Variants in RAB3C observed in about 807,000 individuals in gnomAD.
RAB3C encodes the protein RAB3C, member RAS oncogene family.
Under a neutral mutation model 26.4 loss-of-function variants are expected in RAB3C, and 17 were observed. The observed-to-expected ratio is 0.64, with a 90% CI of 0.44 to 0.97. RAB3C has a LOEUF of 0.97. RAB3C is among the 50% of genes least tolerant of loss of function. The probability of loss-of-function intolerance (pLI) is 0.00; values close to 1 mark genes in which losing one functional copy is unlikely to be tolerated. For missense variants in RAB3C, 242 were observed against 281.9 expected (o/e 0.86, Z 1.01); for synonymous variants, 91 against 95.9 (o/e 0.95, Z 0.30).
chr5:58,726,807 TG>T (rs1193170246), intron 3 of RAB3C, among the ~76,000 whole-genome samples: 10 of 151,836 alleles, frequency 6.6e-5, no homozygotes, highest in Non-Finnish European at 1.2e-4. Context: ...GTGTTTACGG[TG>T]GGGGGTTATT....
At chr5:58,808,288 T>A (rs1330202870) in intron 3 of RAB3C, among the ~76,000 whole-genome samples, 1 of 147,132 alleles carries the variant, frequency 6.8e-6, no homozygotes, top group African/African-American at 2.5e-5. Flanking sequence ...ATTTGTGAAA[T>A]GACAAAACAT....
chr5:58,803,826 T>G (rs1742870208), intron 3 of RAB3C, among the ~76,000 whole-genome samples: 1 of 152,140 alleles, frequency 6.6e-6, no homozygotes, highest in Non-Finnish European at 1.5e-5. Context: ...TTTGGGAGGC[T>G]GAGGCGGGTG....
chr5:58,637,098 C>G (rs1238515001), intron 2 of RAB3C, among the ~76,000 whole-genome samples: 1 of 142,198 alleles, frequency 7.0e-6, no homozygotes, highest in African/African-American at 2.6e-5. Context: ...TTTCAAAGAA[C>G]TTTTTTTTTT....
At chr5:58,681,941 A>G (rs1055704502) in intron 2 of RAB3C, among the ~76,000 whole-genome samples, 1 of 152,250 alleles carries the variant, frequency 6.6e-6, no homozygotes, top group Admixed American at 6.5e-5. Context: ...AGGCTGTGCA[A>G]AGGAAACACC....
chr5:58,743,166 G>A (rs573888664), intron 3 of RAB3C, among the ~76,000 whole-genome samples: 91 of 152,270 alleles, frequency 6.0e-4, no homozygotes, highest in Non-Finnish European at 1.2e-3. Flanking sequence ...TCTTAAAAAT[G>A]AGAAAAGAAT....
In RAB3C at chr5:58,828,901, CTT is replaced by C. The variant is rs762653092; in HGVS notation, c.496+3759_496+3760del. On this transcript the variant is annotated intron_variant, in intron 4 of 4. Coordinates refer to ENST00000282878, the MANE Select transcript of RAB3C (RefSeq NM_138453.4). Reference sequence around the variant, plus strand: ...CTATAGCTGGTGTTATTTTACCATGCTTTTTTTTTTTTTTTTTTTTTGGATGG... The same window carrying C: ...CTATAGCTGGTGTTATTTTACCATGCTTTTTTTTTTTTTTTTTTTGGATGG... Among the ~76,000 whole-genome samples, 732 of 122,418 alleles carry C rather than the reference CTT, an allele frequency of 6.0e-3. 28 individuals carry two copies. Among genetic ancestry groups the C allele is most frequent in the African/African-American group, 0.021 (681 of 32,720 alleles). The allele number at this position is 122,418 out of a possible 152,430, so 80.3% of individuals were successfully genotyped here. A position where few individuals can be genotyped will look rare whatever the true frequency, so the allele number is the denominator to read the frequency against.
At chr5:58,718,962 G>A (rs16888470) in intron 2 of RAB3C, among the ~76,000 whole-genome samples, 1 of 151,952 alleles carries the variant, frequency 6.6e-6, no homozygotes, top group Non-Finnish European at 1.5e-5. Context: ...ATTCAATACT[G>A]TTTTGTGCCT....
rs1056561332 is a variant in RAB3C, at chr5:58,709,715, C to T, written c.253-16287C>T. Among the ~76,000 whole-genome samples the T allele has an allele frequency of 7.2e-5, 11 of 152,300 alleles. No individual in the cohort carries two copies. In the East Asian group the frequency reaches 9.6e-4, roughly 13 times the overall value. On this transcript the variant is annotated intron_variant, in intron 2 of 4. Coordinates refer to ENST00000282878, the MANE Select transcript of RAB3C (RefSeq NM_138453.4). Reference sequence around the variant, plus strand: ...TTCTTTGTAGCTGGCCTCTGACCCACGCCTCTGATTTCATGTCCTCCAATT... The same window carrying T: ...TTCTTTGTAGCTGGCCTCTGACCCATGCCTCTGATTTCATGTCCTCCAATT...
At chr5:58,596,744 A>G (rs1746276659) in intron 1 of RAB3C, among the ~76,000 whole-genome samples, 3 of 96,008 alleles carry the variant, frequency 3.1e-5, no homozygotes, top group Non-Finnish European at 5.4e-5. Context: ...ATATAAATAT[A>G]TAATACATAA....
rs866409833 is a variant in RAB3C, at chr5:58,693,270, T to G, written c.253-32732T>G. 1.9e-4 allele frequency among the ~76,000 whole-genome samples: 27 copies of G among 141,420 alleles called. No homozygotes were observed. In the South Asian group the frequency reaches 4.7e-3, roughly 25 times the overall value. 92.8% of individuals were successfully genotyped at this position (141,420 alleles called of 152,430 possible). Reference sequence around the variant, plus strand: ...ATAAATTTAATTATATAAATATAATTAAGATAAAGTTATAATTATATAAAT... The same window carrying G: ...ATAAATTTAATTATATAAATATAATGAAGATAAAGTTATAATTATATAAAT... On this transcript the variant is annotated intron_variant, in intron 2 of 4. Coordinates refer to ENST00000282878, the MANE Select transcript of RAB3C (RefSeq NM_138453.4).
intron 3 of RAB3C, among the ~76,000 whole-genome samples, chr5:58,760,151 G>A (rs1283267856): frequency 1.3e-5 from 2 of 152,120 alleles, no homozygotes; most frequent in African/African-American, 2.4e-5. Context: ...GTATGACCCA[G>A]TGAATGGCAA....
At chr5:58,818,073 A>G (rs1221720763) in intron 3 of RAB3C, among the ~76,000 whole-genome samples, 5 of 152,192 alleles carry the variant, frequency 3.3e-5, no homozygotes, top group Non-Finnish European at 7.3e-5. Context: ...TCCCACATAC[A>G]TCCCAAATCA....
intron 4 of RAB3C, among the ~76,000 whole-genome samples, chr5:58,849,765 C>T (rs1744075983): frequency 6.6e-6 from 1 of 152,182 alleles, no homozygotes. Flanking sequence ...AGTATAACGA[C>T]TAAGTTGGAG....
At chr5:58,633,381 A>G (rs557022349) in intron 2 of RAB3C, among the ~76,000 whole-genome samples, 1 of 152,330 alleles carries the variant, frequency 6.6e-6, no homozygotes, top group East Asian at 1.9e-4. Flanking sequence ...AGACTATAGG[A>G]AGGAAAGTAG....
intron 4 of RAB3C, among the ~76,000 whole-genome samples, chr5:58,838,614 T>C (rs1463354555): frequency 1.3e-5 from 2 of 149,022 alleles, no homozygotes; most frequent in Non-Finnish European, 3.0e-5. Context: ...TTCTAATATA[T>C]GGTCAATCCT....
intron 2 of RAB3C, among the ~76,000 whole-genome samples, chr5:58,713,588 T>C (rs1044059258): frequency 2.6e-5 from 4 of 152,210 alleles, no homozygotes; most frequent in Non-Finnish European, 5.9e-5. Flanking sequence ...AAAATGAACA[T>C]GTTTACAGTG....
chr5:58,607,247 T>G (rs2111699126), intron 1 of RAB3C, among the ~76,000 whole-genome samples: 1 of 152,290 alleles, frequency 6.6e-6, no homozygotes, highest in South Asian at 2.1e-4. Flanking sequence ...AACTGTGGCA[T>G]GAGAACTTTG....
Position 58,660,860 on chromosome 5 carries a change from G to A in RAB3C, c.252+42990G>A, listed in dbSNP as rs1253618191. On this transcript the variant is annotated intron_variant, in intron 2 of 4. Transcript: ENST00000282878. ...CACTCTTACCTGGCATGGACTGAAA[G>A]TGAGACCTCACTATTGTCAAATCCC... Among the ~76,000 whole-genome samples, 3 of 150,030 alleles carry A rather than the reference G, an allele frequency of 2.0e-5. 1 individual carries two copies. The highest frequency in any genetic ancestry group is 7.6e-5 in the African/African-American group (3 of 39,420).
chr5:58,597,241 T>C (rs1247655991), intron 1 of RAB3C, among the ~76,000 whole-genome samples: 1 of 118,488 alleles, frequency 8.4e-6, no homozygotes, highest in Non-Finnish European at 1.6e-5. Context: ...CTACACAATA[T>C]ATTATATAAT....
Sources: allele counts gnomAD v4.1 joint callset (sites outside exome capture counted in the v4.1 genomes callset), GRCh38; gene constraint gnomAD v4.1.1; transcripts MANE v1.5; gene names NCBI Gene and HGNC (gene_info 2026-07-23, HGNC 2026-07-21).